Variants in CDH18 observed in about 807,000 individuals in gnomAD.
CDH18 encodes the protein cadherin-18.
A neutral mutation model predicts 67.9 loss-of-function variants in CDH18; 31 were observed. That is an observed-to-expected ratio of 0.46 (90% CI 0.34 to 0.62). CDH18 has a LOEUF of 0.62. Among genes scored for constraint, CDH18 ranks in the 20% least tolerant of loss-of-function variants. The probability of loss-of-function intolerance (pLI) is 0.01; values close to 1 mark genes in which losing one functional copy is unlikely to be tolerated. For missense variants in CDH18, 890 were observed against 975.5 expected (o/e 0.91, Z 1.17); for synonymous variants, 362 against 347.2 (o/e 1.04, Z -0.48).
intron 2 of CDH18, among the ~76,000 whole-genome samples, chr5:20,125,953 G>A (rs891118031): frequency 6.6e-6 from 1 of 152,064 alleles, no homozygotes; most frequent in Non-Finnish European, 1.5e-5. Context: ...TACAGAAATA[G>A]AAAAAGAAAT....
chr5:19,480,782 A>G (rs1387656853), intron 12 of CDH18, among the ~76,000 whole-genome samples: 1 of 151,716 alleles, frequency 6.6e-6, no homozygotes, highest in Non-Finnish European at 1.5e-5. Context: ...ACAGAGTCTC[A>G]CTCTGTCACC....
chr5:19,822,939 AC>A (rs1388405825), intron 3 of CDH18, among the ~76,000 whole-genome samples: 3 of 152,084 alleles, frequency 2.0e-5, no homozygotes, highest in Admixed American at 2.0e-4. Context: ...AGACAGCCAC[AC>A]CCAAGGGGGC....
intron 10 of CDH18, among the ~76,000 whole-genome samples, chr5:19,515,230 G>A (rs1038239306): frequency 1.3e-5 from 2 of 150,460 alleles, no homozygotes; most frequent in African/African-American, 2.4e-5. Context: ...CCAGTACCAT[G>A]CTGTTTTGGT....
At chr5:20,233,250 A>C (rs145899184) in intron 2 of CDH18, among the ~76,000 whole-genome samples, 1,708 of 151,314 alleles carry the variant, frequency 0.011, 34 homozygotes, top group African/African-American at 0.039. Context: ...ATTAGTGAAA[A>C]ACATATTTAA....
intron 1 of CDH18, among the ~76,000 whole-genome samples, chr5:20,293,554 G>C (rs1308256168): frequency 6.6e-6 from 1 of 152,114 alleles, no homozygotes; most frequent in South Asian, 2.1e-4. Context: ...CACTTTATTT[G>C]GGGTATTTAG....
At position 19,721,424 on chromosome 5, in the gene CDH18, G is replaced by A. The variant is rs762353558; in HGVS notation, c.566C>T (p.Pro189Leu). The A allele has an allele frequency of 1.9e-6, 3 of 1,611,562 alleles. No homozygotes were observed. The East Asian group carries it at 6.7e-5, about 36-fold the overall frequency. ...LQVTATDADD[P>L]TYGNSARVVY... ...CACCCGAGCGCTGTTTCCATAGGTA[G>A]GGTCATCTGCATCAGTAGCTGTCAC... Residue 189 changes from proline to leucine, a missense_variant, in exon 5 of 13, where the codon CCT becomes CTT. Coordinates refer to ENST00000382275, the MANE Select transcript of CDH18 (RefSeq NM_004934.5).
chr5:20,113,197 C>A (rs537792449), intron 2 of CDH18, among the ~76,000 whole-genome samples: 27 of 152,168 alleles, frequency 1.8e-4, no homozygotes, highest in Non-Finnish European at 3.2e-4. Context: ...ATTCACCATA[C>A]TGAATCATTT....
intron 1 of CDH18, among the ~76,000 whole-genome samples, chr5:20,548,312 A>C (rs1231012092): frequency 6.6e-6 from 1 of 151,854 alleles, no homozygotes; most frequent in Non-Finnish European, 1.5e-5. Context: ...TTATTTATTC[A>C]AGATAAGTCT....
At chr5:20,014,251 A>G (rs1409096230) in intron 2 of CDH18, among the ~76,000 whole-genome samples, 1 of 152,164 alleles carries the variant, frequency 6.6e-6, no homozygotes, top group Non-Finnish European at 1.5e-5. Context: ...AAATATATCC[A>G]TAGTCTCTGC....
intron 2 of CDH18, among the ~76,000 whole-genome samples, chr5:19,954,493 T>C (rs1796072391): frequency 6.6e-6 from 1 of 152,042 alleles, no homozygotes; most frequent in Non-Finnish European, 1.5e-5. Flanking sequence ...ACTGATGTAT[T>C]TGGAAAATAG....
intron 2 of CDH18, among the ~76,000 whole-genome samples, chr5:20,176,245 C>T (rs535045575): frequency 3.0e-4 from 45 of 152,250 alleles, no homozygotes; most frequent in African/African-American, 1.1e-3. Flanking sequence ...TGCTAAGTCA[C>T]CAGGTGTTGA....
intron 2 of CDH18, among the ~76,000 whole-genome samples, chr5:20,152,092 A>C (rs1216430790): frequency 6.8e-6 from 1 of 146,934 alleles, no homozygotes. Flanking sequence ...ATGAAATATA[A>C]ATTATTTTAT....
At chr5:20,267,056 G>C (rs1390197205) in intron 1 of CDH18, among the ~76,000 whole-genome samples, 2 of 152,070 alleles carry the variant, frequency 1.3e-5, no homozygotes, top group Non-Finnish European at 2.9e-5. Context: ...TGGATATTTT[G>C]GTCATACAGA....
chr5:19,663,879 T>TC (rs928294000), intron 5 of CDH18, among the ~76,000 whole-genome samples: 3 of 151,808 alleles, frequency 2.0e-5, no homozygotes, highest in Admixed American at 6.6e-5. Context: ...TAAAAGACTT[T>TC]TTTTTTTAAT....
chr5:20,263,997 T>C (rs1744852513), intron 1 of CDH18, among the ~76,000 whole-genome samples: 2 of 152,126 alleles, frequency 1.3e-5, no homozygotes, highest in Admixed American at 1.3e-4. Context: ...TCATACATAG[T>C]CATTAAAATG....
chr5:20,110,689 C>T (rs1367331558), intron 2 of CDH18, among the ~76,000 whole-genome samples: 3 of 152,094 alleles, frequency 2.0e-5, no homozygotes, highest in African/African-American at 7.2e-5. Context: ...TATTGTTTCA[C>T]AGATTATGTC....
At chr5:20,082,525 T>C (rs1303369119) in intron 2 of CDH18, among the ~76,000 whole-genome samples, 1 of 152,174 alleles carries the variant, frequency 6.6e-6, no homozygotes, top group Non-Finnish European at 1.5e-5. Flanking sequence ...TCAAATATAC[T>C]TTGGGGCCAT....
intron 2 of CDH18, among the ~76,000 whole-genome samples, chr5:20,013,300 C>T (rs1225295423): frequency 1.3e-5 from 2 of 152,012 alleles, no homozygotes; most frequent in African/African-American, 4.8e-5. Context: ...TGAACTGTGC[C>T]TAAGAGAATG....
chr5:20,107,687 C>T (rs1173209705), intron 2 of CDH18, among the ~76,000 whole-genome samples: 1 of 152,146 alleles, frequency 6.6e-6, no homozygotes, highest in Admixed American at 6.5e-5. Flanking sequence ...TTGCCGATGG[C>T]TGTCTTCTCA....
Sources: gnomAD v4.1 joint callset for allele counts (sites outside exome capture counted in the v4.1 genomes callset) on GRCh38, gnomAD v4.1.1 for gene constraint, MANE v1.5 for transcripts, NCBI Gene and HGNC (gene_info 2026-07-23, HGNC 2026-07-21) for gene names.